Variants in C10orf71 observed in about 807,000 individuals in gnomAD.
The protein encoded by C10orf71 is chromosome 10 open reading frame 71.
For missense variants in C10orf71, 1,869 were observed against 1,804.5 expected (o/e 1.04, Z -0.65); for synonymous variants, 758 against 726.3 (o/e 1.04, Z -0.70).
chr10:49,321,247 C>A (rs907060394), intron 2 of C10orf71, among the ~76,000 whole-genome samples: 1 of 152,060 alleles, frequency 6.6e-6, no homozygotes, highest in Admixed American at 6.6e-5. Flanking sequence ...CTCTGACAAC[C>A]CCCACTCTAC....
chr10:49,308,369 G>A (rs2132407237), intron 1 of C10orf71, among the ~76,000 whole-genome samples: 1 of 152,328 alleles, frequency 6.6e-6, no homozygotes, highest in Admixed American at 6.5e-5. Flanking sequence ...CTCTCCCAGG[G>A]CACAGTGGCC....
At chr10:49,316,853 C>A (rs1849007915) in intron 2 of C10orf71, among the ~76,000 whole-genome samples, 4 of 152,118 alleles carry the variant, frequency 2.6e-5, no homozygotes. Context: ...TTCAGCCCCA[C>A]CAAGACTGAA....
At chr10:49,314,868 A>G (rs1347932005) in intron 1 of C10orf71, among the ~76,000 whole-genome samples, 4 of 152,226 alleles carry the variant, frequency 2.6e-5, no homozygotes, top group African/African-American at 4.8e-5. Flanking sequence ...GAAAAAAATC[A>G]GAATAAAGAT....
chr10:49,317,299 G>T (rs2132421293), intron 2 of C10orf71, among the ~76,000 whole-genome samples: 1 of 152,306 alleles, frequency 6.6e-6, no homozygotes, highest in African/African-American at 2.4e-5. Flanking sequence ...GCTTAGCAGT[G>T]CTGGCCAGGA....
At chr10:49,311,126 C>T (rs1848905956) in intron 1 of C10orf71, among the ~76,000 whole-genome samples, 2 of 152,076 alleles carry the variant, frequency 1.3e-5, no homozygotes, top group African/African-American at 4.8e-5. Flanking sequence ...TGGGTCCTCC[C>T]TCTGAGGGCA....
chr10:49,306,120 G>A (rs1419739242), intron 1 of C10orf71, among the ~76,000 whole-genome samples: 1 of 152,246 alleles, frequency 6.6e-6, no homozygotes, highest in East Asian at 1.9e-4. Flanking sequence ...GACCTGGCAG[G>A]TGAGGCACGG....
intron 1 of C10orf71, among the ~76,000 whole-genome samples, chr10:49,314,827 C>T (rs767915864): frequency 1.3e-5 from 2 of 152,140 alleles, no homozygotes; most frequent in Non-Finnish European, 2.9e-5. Context: ...TATCTTTTCC[C>T]TTCTTTTCTG....
At chr10:49,298,841 G>C (rs117888150), upstream of C10orf71, 1 of 152,196 alleles carries the variant, frequency 6.6e-6, no homozygotes, top group Admixed American at 6.5e-5. Flanking sequence ...GTCCAGAGCC[G>C]ATGATGAAAC....
At chr10:49,311,782 GC>G (rs557872287) in intron 1 of C10orf71, among the ~76,000 whole-genome samples, 3 of 152,170 alleles carry the variant, frequency 2.0e-5, no homozygotes, top group Non-Finnish European at 4.4e-5. Flanking sequence ...CATGGGTCCT[GC>G]CCCTCCCTGG....
Position 49,325,744 on chromosome 10 carries a change from G to A in C10orf71, c.3199G>A (p.Ala1067Thr), listed in dbSNP as rs1849223345. The change falls in exon 3 of 3, where the codon GCC becomes ACC. Residue 1067 changes from alanine (A) to threonine (T), a missense_variant. Coordinates refer to ENST00000374144, the MANE Select transcript of C10orf71 (RefSeq NM_001135196.2). ...PNPGSPGESS[A>T]CSPAASNIWE... ...CCCCGGCTCCCCCGGGGAGAGCAGT[G>A]CCTGCTCCCCTGCTGCCAGCAACAT... The A allele has an allele frequency of 1.3e-6, 2 of 1,551,480 alleles. No individual in the cohort carries two copies. Among genetic ancestry groups the A allele is most frequent in the Non-Finnish European group, 1.7e-6 (2 of 1,146,884 alleles).
chr10:49,325,721 C>T lies in C10orf71; in HGVS notation c.3176C>T (p.Pro1059Leu). The T allele has an allele frequency of 6.4e-7, 1 of 1,551,628 alleles. No individual in the cohort carries two copies. The highest frequency in any genetic ancestry group is 1.7e-4 in the Middle Eastern group (1 of 5,992). Residue 1059 changes from proline (P) to leucine (L), a missense_variant, in exon 3 of 3, where the codon CCC (proline) becomes CTC (leucine). Physicochemically the swap from Pro to Leu is moderately conservative, Grantham distance 98. Coordinates refer to ENST00000374144, the MANE Select transcript of C10orf71 (RefSeq NM_001135196.2). Reference protein sequence around the residue: ...VPSERANSPNPGSPGESSACS... With the variant: ...VPSERANSPNLGSPGESSACS... Reference sequence around the variant, plus strand: ...AGTGAGAGGGCGAATTCCCCCAACCCCGGCTCCCCCGGGGAGAGCAGTGCC... The same window carrying T: ...AGTGAGAGGGCGAATTCCCCCAACCTCGGCTCCCCCGGGGAGAGCAGTGCC...
In C10orf71 at chr10:49,325,750, T is replaced by TC. The variant is rs1276096686; in HGVS notation, c.3209dup (p.Ala1071CysfsTer24). 1 of 1,551,382 alleles carries TC rather than the reference T, an allele frequency of 6.4e-7. No homozygotes were observed. The highest frequency in any genetic ancestry group is 2.0e-5 in the Admixed American group (1 of 50,978). On this transcript the variant is annotated frameshift_variant, in exon 3 of 3. Coordinates refer to ENST00000374144, the MANE Select transcript of C10orf71 (RefSeq NM_001135196.2). LOFTEE classifies it low-confidence loss of function (END_TRUNC). Reference sequence around the variant, plus strand: ...CTCCCCCGGGGAGAGCAGTGCCTGCTCCCCTGCTGCCAGCAACATTTGGGA... The same window carrying TC: ...CTCCCCCGGGGAGAGCAGTGCCTGCTCCCCCTGCTGCCAGCAACATTTGGGA...
chr10:49,319,666 T>G (rs967183870), intron 2 of C10orf71, among the ~76,000 whole-genome samples: 1 of 144,204 alleles, frequency 6.9e-6, no homozygotes, highest in African/African-American at 2.6e-5. Flanking sequence ...TGTATATATA[T>G]GTACACACAC....
rs1456106503 is a variant in C10orf71 at position 49,326,576 on chromosome 10, C to T, written c.4031C>T (p.Thr1344Met). 5.8e-6 allele frequency: 9 copies of T among 1,550,552 alleles called. No individual in the cohort carries two copies. In the Middle Eastern group the frequency reaches 5.0e-4, roughly 86 times the overall value. The change falls in exon 3 of 3, where the codon ACG becomes ATG. Residue 1344 changes from threonine to methionine, a missense_variant. Coordinates refer to ENST00000374144, the MANE Select transcript of C10orf71 (RefSeq NM_001135196.2). The stretch of plus-strand genomic sequence containing the variant: ...CCCGGCTTCCAGCCAGTGCCCGTGA[C>T]GGCCTTGATGCCGCTGCGCTGCTCC... ...LYPGFQPVPV[T>M]ALMPLRCSSQ...
intron 1 of C10orf71, 141 bp from the exon 2 acceptor site, chr10:49,316,004 C>G (rs966765649): frequency 3.3e-5 from 5 of 152,208 alleles, no homozygotes; most frequent in African/African-American, 9.7e-5. Context: ...TGCAATGGGC[C>G]AAGATCACAC....
intron 1 of C10orf71, among the ~76,000 whole-genome samples, chr10:49,307,871 G>A (rs1306837809): frequency 6.6e-6 from 1 of 152,106 alleles, no homozygotes; most frequent in African/African-American, 2.4e-5. Flanking sequence ...CCTGCCATAA[G>A]GGTCCCTCCC....
At chr10:49,317,846 T>C (rs888155910) in intron 2 of C10orf71, among the ~76,000 whole-genome samples, 1 of 152,118 alleles carries the variant, frequency 6.6e-6, no homozygotes, top group Non-Finnish European at 1.5e-5. Flanking sequence ...ATGAAAAATT[T>C]TTTTTTAATA....
intron 1 of C10orf71, among the ~76,000 whole-genome samples, chr10:49,302,475 C>T (rs910504177): frequency 1.3e-5 from 2 of 152,246 alleles, no homozygotes; most frequent in Non-Finnish European, 2.9e-5. Flanking sequence ...AAATCATTGG[C>T]TTCAGACCTC....
chr10:49,306,285 G>A (rs555082596), intron 1 of C10orf71, among the ~76,000 whole-genome samples: 1 of 152,350 alleles, frequency 6.6e-6, no homozygotes, highest in Admixed American at 6.5e-5. Context: ...AAATTCCTGT[G>A]TCCAGCATGG....
Sources: allele counts gnomAD v4.1 joint callset (sites outside exome capture counted in the v4.1 genomes callset), GRCh38; gene constraint gnomAD v4.1.1; transcripts MANE v1.5; gene names NCBI Gene and HGNC (gene_info 2026-07-23, HGNC 2026-07-21).